AFF2: variants seen among roughly 807,000 people sequenced by gnomAD.
AFF2 encodes the protein AF4/FMR2 family member 2.
In AFF2, 14 loss-of-function variants were observed where a neutral mutation model predicts 76.9. The ratio of observed to expected loss-of-function variants is 0.18; its 90% CI spans 0.12 to 0.28. The LOEUF (loss-of-function observed/expected upper bound fraction) is 0.28. AFF2 is among the 10% of genes least tolerant of loss of function. AFF2 has a pLI of 1.00. For synonymous variants in AFF2, 398 were observed against 366.7 expected, an observed-to-expected ratio of 1.09 and a Z score of -0.98; for missense variants, 868 against 1,001.1, an observed-to-expected ratio of 0.87 and a Z score of 1.79.
chrX:148,665,821 C>T (rs2054353101), intron 3 of AFF2, among the ~76,000 whole-genome samples: 1 of 111,701 alleles, frequency 9.0e-6, no homozygotes, highest in Non-Finnish European at 1.9e-5. Context: ...GTCAGTGTAG[C>T]CATCTTTGAT....
chrX:148,625,312 G>A (rs1420037158), intron 1 of AFF2, among the ~76,000 whole-genome samples: 1 of 111,334 alleles, frequency 9.0e-6, no homozygotes, highest in Non-Finnish European at 1.9e-5. Flanking sequence ...TAGCATGCTG[G>A]CCTGTCCTGA....
intron 9 of AFF2, among the ~76,000 whole-genome samples, chrX:148,946,485 A>G (rs1255999212): frequency 1.8e-5 from 2 of 112,815 alleles, no homozygotes; most frequent in East Asian, 5.5e-4. Context: ...TAGTGCTTTA[A>G]AACAACACAC....
At chrX:148,600,859 GA>G (rs1557247981) in intron 1 of AFF2, among the ~76,000 whole-genome samples, 1 of 112,281 alleles carries the variant, frequency 8.9e-6, no homozygotes, top group African/African-American at 3.2e-5. Flanking sequence ...AACATATTTG[GA>G]AATATTTTAA....
intron 3 of AFF2, among the ~76,000 whole-genome samples, chrX:148,702,290 T>C (rs782406519): frequency 8.9e-6 from 1 of 112,024 alleles, no homozygotes; most frequent in Non-Finnish European, 1.9e-5. Context: ...TAGGAAATTT[T>C]ACTTGGTCCT....
chrX:148,919,306 G>T (rs1289697340), intron 9 of AFF2, among the ~76,000 whole-genome samples: 2 of 110,900 alleles, frequency 1.8e-5, no homozygotes, highest in African/African-American at 6.6e-5. Flanking sequence ...CATAAGAGAT[G>T]ATTAGATATA....
intron 7 of AFF2, among the ~76,000 whole-genome samples, chrX:148,877,528 A>G (rs1363257010): frequency 8.9e-6 from 1 of 112,755 alleles, no homozygotes; most frequent in African/African-American, 3.2e-5. Context: ...TTGGGCCTAC[A>G]TTGTCAGTCC....
chrX:148,675,052 A>G lies in AFF2; in HGVS notation c.1041+12284A>G, dbSNP rs183323532. Among the ~76,000 whole-genome samples, 150 of 111,926 alleles carry G rather than the reference A, an allele frequency of 1.3e-3. 1 individual carries two copies. Among genetic ancestry groups the G allele is most frequent in the Non-Finnish European group, 2.2e-3 (119 of 53,175 alleles). ...GCACGTATGCATGTGTTAGGTGTCC[A>G]TGTGTCTCTTTGGGGAGGGGGTGCT... On this transcript the variant is annotated intron_variant, in intron 3 of 20. Coordinates refer to ENST00000370460, the MANE Select transcript of AFF2 (RefSeq NM_002025.4).
At chrX:148,544,708 T>C (rs2052899854) in intron 1 of AFF2, among the ~76,000 whole-genome samples, 1 of 112,245 alleles carries the variant, frequency 8.9e-6, no homozygotes, top group Non-Finnish European at 1.9e-5. Context: ...CATGAGCCTT[T>C]CATGAGAAAG....
chrX:148,532,400 G>C (rs868924905), intron 1 of AFF2, among the ~76,000 whole-genome samples: 5 of 111,892 alleles, frequency 4.5e-5, no homozygotes, highest in African/African-American at 1.6e-4. Flanking sequence ...ATGGTAATTG[G>C]TTGTAGATGA....
intron 3 of AFF2, among the ~76,000 whole-genome samples, chrX:148,744,760 T>G (rs1166681402): frequency 9.0e-6 from 1 of 111,726 alleles, no homozygotes; most frequent in Non-Finnish European, 1.9e-5. Context: ...TAGTGAGTTT[T>G]GTTTTGTTTT....
chrX:148,581,598 G>GTATACA (rs2053409171), intron 1 of AFF2, among the ~76,000 whole-genome samples: 4 of 103,345 alleles, frequency 3.9e-5, no homozygotes, highest in African/African-American at 1.1e-4. Flanking sequence ...ACATATATAC[G>GTATACA]TATACGTGTA....
At chrX:148,949,563 G>C (rs1420672786) in intron 9 of AFF2, among the ~76,000 whole-genome samples, 1 of 112,347 alleles carries the variant, frequency 8.9e-6, no homozygotes, top group Admixed American at 9.4e-5. Context: ...ACTTGGTAAA[G>C]ATGAATGATG....
At chrX:148,844,039 T>A (rs1184403456) in intron 7 of AFF2, among the ~76,000 whole-genome samples, 1 of 112,283 alleles carries the variant, frequency 8.9e-6, no homozygotes, top group African/African-American at 3.2e-5. Context: ...ACCAGGTCAA[T>A]ACCTGGGATA....
intron 3 of AFF2, among the ~76,000 whole-genome samples, chrX:148,734,130 A>G (rs958214744): frequency 4.0e-4 from 45 of 111,762 alleles, no homozygotes; most frequent in African/African-American, 1.5e-3. Flanking sequence ...TCTGCACTTT[A>G]TTTGCCTCTA....
At chrX:148,768,598 T>C (rs782220818) in intron 3 of AFF2, among the ~76,000 whole-genome samples, 1 of 111,695 alleles carries the variant, frequency 9.0e-6, no homozygotes, top group African/African-American at 3.3e-5. Flanking sequence ...GTTAATGTGA[T>C]CTGCAAGACC....
At chrX:148,669,463 G>T in intron 3 of AFF2, among the ~76,000 whole-genome samples, 1 of 112,066 alleles carries the variant, frequency 8.9e-6, no homozygotes, top group African/African-American at 3.2e-5. Context: ...ACAAAAGAAA[G>T]ATTTAACGGA....
intron 3 of AFF2, 67 bp downstream of exon 3, chrX:148,662,835 C>A: frequency 9.3e-7 from 1 of 1,074,221 alleles, no homozygotes; most frequent in Non-Finnish European, 1.3e-6. Context: ...CCTCTATAAT[C>A]CAGTATTCAC....
At chrX:148,721,934 A>G (rs1557263864) in intron 3 of AFF2, among the ~76,000 whole-genome samples, 1 of 111,797 alleles carries the variant, frequency 8.9e-6, no homozygotes. Flanking sequence ...TCATAAGGAC[A>G]TCAGTCATAT....
chrX:148,965,125 G>A (rs1195167779), intron 13 of AFF2, among the ~76,000 whole-genome samples: 1 of 111,900 alleles, frequency 8.9e-6, no homozygotes, highest in Non-Finnish European at 1.9e-5. Flanking sequence ...GCTCAAGCTA[G>A]CAGACAGCAG....
Sources: allele counts gnomAD v4.1 joint callset (sites outside exome capture counted in the v4.1 genomes callset), GRCh38; gene constraint gnomAD v4.1.1; transcripts MANE v1.5; gene names NCBI Gene and HGNC (gene_info 2026-07-23, HGNC 2026-07-21).